NFIA: variants seen among roughly 807,000 people sequenced by gnomAD.
NFIA encodes the protein nuclear factor I A.
NFIA carries 8 observed loss-of-function variants against 62.8 expected under a neutral mutation model. The observed-to-expected ratio is 0.13, with a 90% CI of 0.07 to 0.23. The LOEUF (loss-of-function observed/expected upper bound fraction) is 0.23. NFIA is among the 10% of genes least tolerant of loss of function. The pLI, the probability that NFIA is intolerant of heterozygous loss-of-function variation, is 1.00. For missense variants in NFIA, 410 were observed against 642.1 expected (o/e 0.64, Z 3.91); for synonymous variants, 235 against 238.1 (o/e 0.99, Z 0.12).
chr1:61,221,460 C>G (rs1654011485), intron 2 of NFIA, among the ~76,000 whole-genome samples: 1 of 151,992 alleles, frequency 6.6e-6, no homozygotes, highest in Non-Finnish European at 1.5e-5. Context: ...AGGGATCTGA[C>G]AAAAACTTAT....
At chr1:61,454,100 C>T (rs758392885) in intron 10 of NFIA, among the ~76,000 whole-genome samples, 2 of 152,198 alleles carry the variant, frequency 1.3e-5, no homozygotes, top group Non-Finnish European at 2.9e-5. Context: ...CTAATGGAAT[C>T]TCTTCCACAG....
chr1:61,273,100 T>C (rs1557675456), intron 2 of NFIA, among the ~76,000 whole-genome samples: 1 of 152,198 alleles, frequency 6.6e-6, no homozygotes, highest in East Asian at 1.9e-4. Context: ...CGGTTTGTTT[T>C]AGGGTGGGAA....
chr1:61,383,392 T>C (rs775422986), intron 7 of NFIA, 27 bp downstream of exon 7: 2 of 1,613,180 alleles, frequency 1.2e-6, no homozygotes, highest in Admixed American at 1.7e-5. Context: ...GCACCCTTGG[T>C]TGTGCTTATA....
chr1:61,130,448 A>G (rs1647054039), intron 2 of NFIA, among the ~76,000 whole-genome samples: 2 of 152,222 alleles, frequency 1.3e-5, no homozygotes, highest in African/African-American at 4.8e-5. Flanking sequence ...ACCCAAGGGA[A>G]GAGAAAGTTA....
intron 2 of NFIA, among the ~76,000 whole-genome samples, chr1:61,231,693 A>G (rs1654678626): frequency 6.6e-6 from 1 of 152,134 alleles, no homozygotes; most frequent in South Asian, 2.1e-4. Context: ...AGCTGAGTAT[A>G]GTGGCACATG....
chr1:61,326,258 C>T (rs1290540600), intron 3 of NFIA, among the ~76,000 whole-genome samples: 1 of 152,194 alleles, frequency 6.6e-6, no homozygotes, highest in Admixed American at 6.5e-5. Flanking sequence ...AACAATAAGA[C>T]AATCCCCAGG....
chr1:61,398,773 C>T (rs376446392), intron 7 of NFIA, among the ~76,000 whole-genome samples: 1 of 152,186 alleles, frequency 6.6e-6, no homozygotes, highest in African/African-American at 2.4e-5. Flanking sequence ...TAACTCCAAA[C>T]TTCTCAGCTT....
intron 2 of NFIA, among the ~76,000 whole-genome samples, chr1:61,190,980 G>A (rs1651573458): frequency 6.6e-6 from 1 of 151,538 alleles, no homozygotes; most frequent in African/African-American, 2.4e-5. Context: ...GACCAGACAT[G>A]GGTTTTGACA....
At chr1:61,383,505 C>A in intron 7 of NFIA, 140 bp downstream of exon 7, 1 of 1,132,180 alleles carries the variant, frequency 8.8e-7, no homozygotes, top group Non-Finnish European at 1.2e-6. Flanking sequence ...TGGGGGCAGC[C>A]TTGGAATTTT....
chr1:61,374,810 T>C (rs1664069156), intron 6 of NFIA, among the ~76,000 whole-genome samples: 1 of 152,228 alleles, frequency 6.6e-6, no homozygotes, highest in Non-Finnish European at 1.5e-5. Context: ...CTATATTAAC[T>C]TTCATTTATG....
chr1:61,259,440 C>G (rs1330146034), intron 2 of NFIA, among the ~76,000 whole-genome samples: 1 of 152,184 alleles, frequency 6.6e-6, no homozygotes, highest in East Asian at 1.9e-4. Flanking sequence ...CAAGTACGAG[C>G]TGTGTGCCCT....
intron 3 of NFIA, among the ~76,000 whole-genome samples, chr1:61,297,198 T>C (rs1400916119): frequency 1.3e-5 from 2 of 152,226 alleles, no homozygotes; most frequent in African/African-American, 4.8e-5. Context: ...TCACTCTCTT[T>C]TCAAGATGTT....
At chr1:61,179,255 C>T (rs938919915) in intron 2 of NFIA, among the ~76,000 whole-genome samples, 1 of 152,216 alleles carries the variant, frequency 6.6e-6, no homozygotes, top group Non-Finnish European at 1.5e-5. Context: ...CAGACTGATG[C>T]ACCTGGCTTT....
At chr1:61,323,498 G>A (rs1660780121) in intron 3 of NFIA, among the ~76,000 whole-genome samples, 1 of 152,036 alleles carries the variant, frequency 6.6e-6, no homozygotes. Flanking sequence ...TTCTTTTTTA[G>A]ATATCTGAAT....
intron 4 of NFIA, among the ~76,000 whole-genome samples, chr1:61,344,874 C>G (rs950041473): frequency 1.3e-5 from 2 of 152,156 alleles, no homozygotes; most frequent in Admixed American, 6.6e-5. Flanking sequence ...CTCTTTCCAA[C>G]AATGCAAGCC....
chr1:61,084,892 G>A (rs1245229143), intron 1 of NFIA, among the ~76,000 whole-genome samples: 2 of 151,140 alleles, frequency 1.3e-5, no homozygotes, highest in African/African-American at 4.9e-5. Context: ...ATTCAGCAGC[G>A]TTGATTGATG....
intron 10 of NFIA, among the ~76,000 whole-genome samples, chr1:61,445,707 G>A (rs115108005): frequency 0.013 from 2,038 of 152,294 alleles, 41 homozygotes; most frequent in East Asian, 0.049. Context: ...GTTGGTTCAG[G>A]TGAAACCCTG....
rs60938787 is a variant in NFIA at position 61,391,435 on chromosome 1, AACACACACACACACACACACACAC to A, written c.1075+8100_1075+8123del. Among the ~76,000 whole-genome samples the A allele has an allele frequency of 8.3e-4, 103 of 124,678 alleles. 1 individual carries two copies. The highest frequency in any genetic ancestry group is 7.9e-3 in the Middle Eastern group (2 of 254). 81.8% of individuals were successfully genotyped at this position (124,678 alleles called of 152,430 possible). A position where few individuals can be genotyped will look rare whatever the true frequency, so the allele number is the denominator to read the frequency against. ...TTAAACCCCACTTCTTTATGAATCA[AACACACACACACACACACACACAC>A]ACACACACACACACACACACACACA... is the stretch of plus-strand genomic sequence containing the variant. On this transcript the variant is annotated intron_variant, in intron 7 of 10. Coordinates refer to ENST00000403491, the MANE Select transcript of NFIA (RefSeq NM_001134673.4).
intron 3 of NFIA, among the ~76,000 whole-genome samples, chr1:61,286,555 A>G (rs1314371311): frequency 6.6e-6 from 1 of 152,166 alleles, no homozygotes; most frequent in Non-Finnish European, 1.5e-5. Context: ...GGGAAAAGAC[A>G]CCATTTGTTC....
Sources: gnomAD v4.1 joint callset for allele counts (sites outside exome capture counted in the v4.1 genomes callset) on GRCh38, gnomAD v4.1.1 for gene constraint, MANE v1.5 for transcripts, NCBI Gene and HGNC (gene_info 2026-07-23, HGNC 2026-07-21) for gene names.